The following IFT57 variants were observed in gnomAD, a reference collection of about 807,000 sequenced individuals.
IFT57 encodes the protein intraflagellar transport 57, also known as intraflagellar transport protein 57 homolog.
IFT57 carries 59 observed loss-of-function variants against 56.8 expected under a neutral mutation model. The observed-to-expected ratio is 1.04, with a 90% CI of 0.84 to 1.29. The LOEUF (loss-of-function observed/expected upper bound fraction) is 1.29, where lower values mean the gene tolerates loss of function less well. Among genes scored for constraint, IFT57 ranks in the 50% most tolerant of loss-of-function variants. The pLI is 0.00. For synonymous variants in IFT57, 209 were observed against 186.1 expected (o/e 1.12, Z -1.00); for missense variants, 470 against 522.1 (o/e 0.90, Z 0.97).
chr3:108,190,196 T>TG (rs1309283720), intron 6 of IFT57, among the ~76,000 whole-genome samples: 2 of 152,206 alleles, frequency 1.3e-5, no homozygotes, highest in African/African-American at 4.8e-5. Context: ...TTTTTGGACT[T>TG]GGACTTTTGG....
chr3:108,178,265 A>C (rs1328252405), intron 6 of IFT57, among the ~76,000 whole-genome samples: 1 of 151,884 alleles, frequency 6.6e-6, no homozygotes, highest in African/African-American at 2.4e-5. Flanking sequence ...TCTACCTCAC[A>C]ACCATACACA....
chr3:108,196,150 AT>A (rs975118076), intron 5 of IFT57, among the ~76,000 whole-genome samples: 9 of 152,164 alleles, frequency 5.9e-5, no homozygotes, highest in African/African-American at 2.2e-4. Flanking sequence ...AGATAAAAAA[AT>A]AAAAAATATA....
chr3:108,181,118 G>A (rs1216407813), intron 6 of IFT57, among the ~76,000 whole-genome samples: 1 of 151,956 alleles, frequency 6.6e-6, no homozygotes, highest in Non-Finnish European at 1.5e-5. Context: ...GTGATAAACG[G>A]AACCTTTCTC....
chr3:108,202,036 C>T (rs1162216649), intron 5 of IFT57, among the ~76,000 whole-genome samples: 1 of 152,190 alleles, frequency 6.6e-6, no homozygotes, highest in Admixed American at 6.5e-5. Context: ...CTGTGTAACT[C>T]AGGATTTGGT....
chr3:108,196,588 T>C (rs1453938864), intron 5 of IFT57, among the ~76,000 whole-genome samples: 8 of 152,174 alleles, frequency 5.3e-5, no homozygotes, highest in Non-Finnish European at 1.0e-4. Context: ...TTACCTTTAC[T>C]AGCTTATTAT....
chr3:108,191,926 C>T (rs2080217285), intron 5 of IFT57, among the ~76,000 whole-genome samples: 1 of 151,682 alleles, frequency 6.6e-6, no homozygotes, highest in South Asian at 2.1e-4. Context: ...ATAGGAATAC[C>T]ATCAAATGGA....
chr3:108,182,119 C>T (rs1307330261), intron 6 of IFT57, among the ~76,000 whole-genome samples: 1 of 152,054 alleles, frequency 6.6e-6, no homozygotes, highest in African/African-American at 2.4e-5. Flanking sequence ...AAAGACTCTT[C>T]ATTCCTAAAT....
intron 6 of IFT57, among the ~76,000 whole-genome samples, chr3:108,186,845 C>T (rs2080186288): frequency 6.6e-6 from 1 of 151,992 alleles, no homozygotes; most frequent in South Asian, 2.1e-4. Flanking sequence ...CTTTGTGATG[C>T]TCCACTTCCA....
At chr3:108,198,903 T>C (rs2080261102) in intron 5 of IFT57, among the ~76,000 whole-genome samples, 2 of 152,238 alleles carry the variant, frequency 1.3e-5, no homozygotes, top group South Asian at 2.1e-4. Context: ...CCTCACTGAT[T>C]TGCATTGCTT....
intron 10 of IFT57, among the ~76,000 whole-genome samples, 191 bp from the exon 11 acceptor site, chr3:108,162,846 G>A (rs2080041385): frequency 6.6e-6 from 1 of 152,066 alleles, no homozygotes; most frequent in East Asian, 1.9e-4. Flanking sequence ...ATGGAAAAAT[G>A]ATGTAGTGTT....
intron 5 of IFT57, 105 bp from the exon 6 acceptor site, chr3:108,191,748 G>T: frequency 1.7e-6 from 1 of 596,922 alleles, no homozygotes; most frequent in Non-Finnish European, 2.6e-6. Context: ...AATTGGTAGT[G>T]TTAAAATTAT....
chr3:108,207,846 A>G (rs1316825099), intron 4 of IFT57, among the ~76,000 whole-genome samples: 1 of 152,132 alleles, frequency 6.6e-6, no homozygotes, highest in African/African-American at 2.4e-5. Context: ...GATCGAGACC[A>G]TCCTGGCTAA....
chr3:108,212,319 C>A (rs1010542932), intron 4 of IFT57, among the ~76,000 whole-genome samples: 1 of 152,158 alleles, frequency 6.6e-6, no homozygotes, highest in African/African-American at 2.4e-5. Context: ...TGAAGCAATC[C>A]TCCCACCGCC....
intron 4 of IFT57, among the ~76,000 whole-genome samples, chr3:108,211,282 T>A (rs889510490): frequency 6.6e-6 from 1 of 152,238 alleles, no homozygotes; most frequent in East Asian, 1.9e-4. Flanking sequence ...AACTATTAAA[T>A]AGTTATTAAG....
At chr3:108,185,021 T>G (rs1462010522) in intron 6 of IFT57, among the ~76,000 whole-genome samples, 1 of 152,122 alleles carries the variant, frequency 6.6e-6, no homozygotes. Context: ...GGTCTGCAGC[T>G]GAGGATTCTT....
chr3:108,215,488 G>C (rs546564886), intron 3 of IFT57, among the ~76,000 whole-genome samples: 10 of 152,060 alleles, frequency 6.6e-5, no homozygotes, highest in African/African-American at 2.4e-4. Context: ...GCTTGAGCCC[G>C]GCAGGCAGAG....
At chr3:108,183,767 A>G (rs1481792595) in intron 6 of IFT57, among the ~76,000 whole-genome samples, 4 of 152,168 alleles carry the variant, frequency 2.6e-5, no homozygotes, top group Admixed American at 2.0e-4. Context: ...TTTTATAGTA[A>G]AAACTCAAAA....
chr3:108,185,864 T>C (rs1431750216), intron 6 of IFT57, among the ~76,000 whole-genome samples: 1 of 152,174 alleles, frequency 6.6e-6, no homozygotes, highest in Non-Finnish European at 1.5e-5. Flanking sequence ...ACCCCTTTTC[T>C]GGACTGGTTC....
chr3:108,185,406 T>C (rs2080175743), intron 6 of IFT57, among the ~76,000 whole-genome samples: 1 of 152,104 alleles, frequency 6.6e-6, no homozygotes, highest in Non-Finnish European at 1.5e-5. Flanking sequence ...TGGCAGAAGA[T>C]GAGTTCCTAG....
Sources: gnomAD v4.1 joint callset for allele counts (sites outside exome capture counted in the v4.1 genomes callset) on GRCh38, gnomAD v4.1.1 for gene constraint, MANE v1.5 for transcripts, NCBI Gene and HGNC (gene_info 2026-07-23, HGNC 2026-07-21) for gene names.